TAFA1: variants seen among roughly 807,000 people sequenced by gnomAD.
TAFA1 encodes TAFA chemokine like family member 1.
A neutral mutation model predicts 18.5 loss-of-function variants in TAFA1; 4 were observed. The observed-to-expected ratio is 0.22, with a 90% CI of 0.11 to 0.49. TAFA1 has a LOEUF of 0.49. Among genes scored for constraint, TAFA1 ranks in the 20% least tolerant of loss-of-function variants. The pLI, the probability that TAFA1 is intolerant of heterozygous loss-of-function variation, is 0.98. For synonymous variants in TAFA1, 56 were observed against 55.2 expected (o/e 1.01, Z -0.06); for missense variants, 147 against 169.0 (o/e 0.87, Z 0.72).
At position 68,246,522 on chromosome 3, in the gene TAFA1, G is replaced by C. The variant is rs1017964921; in HGVS notation, c.119-170758G>C. Among the ~76,000 whole-genome samples the C allele has an allele frequency of 2.8e-5, 4 of 143,964 alleles. No individual in the cohort carries two copies. The East Asian group carries it at 6.3e-4, about 23-fold the overall frequency. The allele number at this position is 143,964 out of a possible 152,430, so 94.4% of individuals were successfully genotyped here. A position where few individuals can be genotyped will look rare whatever the true frequency, so the allele number is the denominator to read the frequency against. ...GGAGAATGGCGTGAACCCGGGAGGC[G>C]GAGCTTGCAGTGAGCCGAGATGGTG... On this transcript the variant is annotated intron_variant, in intron 2 of 4. Transcript: ENST00000478136.
intron 2 of TAFA1, among the ~76,000 whole-genome samples, chr3:68,090,361 T>C (rs1276705765): frequency 6.6e-6 from 1 of 152,210 alleles, no homozygotes; most frequent in Non-Finnish European, 1.5e-5. Flanking sequence ...AAAATTGTAG[T>C]ATAATATCAT....
At chr3:68,013,564 G>A (rs1360578677) in intron 2 of TAFA1, among the ~76,000 whole-genome samples, 1 of 152,070 alleles carries the variant, frequency 6.6e-6, no homozygotes, top group Non-Finnish European at 1.5e-5. Context: ...GGCTTCACTT[G>A]GCAAATAGGG....
At chr3:68,383,561 T>C (rs2070027364) in intron 2 of TAFA1, among the ~76,000 whole-genome samples, 1 of 152,144 alleles carries the variant, frequency 6.6e-6, no homozygotes, top group African/African-American at 2.4e-5. Context: ...GCTCTTACGA[T>C]GTGCTGCTGG....
intron 2 of TAFA1, among the ~76,000 whole-genome samples, chr3:68,257,011 A>G (rs926979454): frequency 2.6e-5 from 4 of 152,118 alleles, no homozygotes; most frequent in Admixed American, 2.6e-4. Context: ...AACAGAAAGC[A>G]TCAAGCTCTT....
chr3:68,194,936 T>C (rs2066393302), intron 2 of TAFA1, among the ~76,000 whole-genome samples: 1 of 151,704 alleles, frequency 6.6e-6, no homozygotes, highest in East Asian at 2.0e-4. Flanking sequence ...GTAATAGTTG[T>C]CTTCTCCCAC....
intron 2 of TAFA1, among the ~76,000 whole-genome samples, chr3:68,139,501 C>T (rs1352550242): frequency 6.6e-6 from 1 of 152,092 alleles, no homozygotes; most frequent in Non-Finnish European, 1.5e-5. Context: ...ATAATAAAGA[C>T]AGAGTCTGTG....
At chr3:68,151,013 C>T (rs1214050707) in intron 2 of TAFA1, among the ~76,000 whole-genome samples, 1 of 151,872 alleles carries the variant, frequency 6.6e-6, no homozygotes, top group Non-Finnish European at 1.5e-5. Flanking sequence ...AACTAAGTGA[C>T]TTGCTGACAT....
chr3:68,518,736 C>T (rs1049106832), intron 3 of TAFA1, among the ~76,000 whole-genome samples: 4 of 152,120 alleles, frequency 2.6e-5, no homozygotes, highest in Non-Finnish European at 5.9e-5. Flanking sequence ...GGGGTTAAGA[C>T]AAGGTCCCAT....
chr3:68,091,943 T>C (rs2065034323), intron 2 of TAFA1, among the ~76,000 whole-genome samples: 1 of 152,170 alleles, frequency 6.6e-6, no homozygotes, highest in East Asian at 1.9e-4. Flanking sequence ...CCTTGTCCTG[T>C]GTTTTCATCT....
intron 3 of TAFA1, among the ~76,000 whole-genome samples, chr3:68,502,276 A>G (rs1357566786): frequency 1.3e-5 from 2 of 152,138 alleles, no homozygotes; most frequent in African/African-American, 2.4e-5. Flanking sequence ...TTTTACAGAT[A>G]AGGTTTATAA....
At chr3:68,429,232 G>A (rs1256080769) in intron 3 of TAFA1, among the ~76,000 whole-genome samples, 1 of 151,872 alleles carries the variant, frequency 6.6e-6, no homozygotes, top group African/African-American at 2.4e-5. Context: ...CAACTAAATG[G>A]AACACTACTT....
intron 2 of TAFA1, among the ~76,000 whole-genome samples, chr3:68,039,811 C>T (rs1354626741): frequency 6.6e-6 from 1 of 152,142 alleles, no homozygotes; most frequent in Non-Finnish European, 1.5e-5. Flanking sequence ...AACTGAGACT[C>T]AGTTTTGCTG....
At chr3:68,222,003 T>A (rs979028614) in intron 2 of TAFA1, among the ~76,000 whole-genome samples, 1 of 152,212 alleles carries the variant, frequency 6.6e-6, no homozygotes, top group Admixed American at 6.5e-5. Context: ...TCCCTCAAGA[T>A]GAATAACTGT....
intron 2 of TAFA1, among the ~76,000 whole-genome samples, chr3:68,333,050 G>A (rs1410107260): frequency 2.0e-5 from 3 of 152,122 alleles, no homozygotes; most frequent in Non-Finnish European, 4.4e-5. Context: ...ATACACTGCT[G>A]GTAGAAATAT....
chr3:68,326,122 C>A (rs751484573), intron 2 of TAFA1, among the ~76,000 whole-genome samples: 13 of 152,170 alleles, frequency 8.5e-5, no homozygotes, highest in Non-Finnish European at 1.3e-4. Context: ...CACTGTGCTC[C>A]TAAGTCCCAA....
At chr3:68,272,380 A>G (rs927407139) in intron 2 of TAFA1, among the ~76,000 whole-genome samples, 11 of 152,186 alleles carry the variant, frequency 7.2e-5, no homozygotes, top group Non-Finnish European at 1.5e-4. Context: ...AAGATTTGAC[A>G]AATTTACCTA....
At chr3:68,461,360 C>CATAT (rs5849840) in intron 3 of TAFA1, among the ~76,000 whole-genome samples, 18,725 of 106,346 alleles carry the variant, frequency 0.18, 2,049 homozygotes, top group Non-Finnish European at 0.2. Flanking sequence ...AATGAAAGTG[C>CATAT]ATATATATAT....
chr3:68,128,943 G>A (rs1030401719), intron 2 of TAFA1, among the ~76,000 whole-genome samples: 1 of 152,132 alleles, frequency 6.6e-6, no homozygotes, highest in Non-Finnish European at 1.5e-5. Context: ...TGGACTAGAC[G>A]TAAAATTACC....
At chr3:68,118,142 A>G (rs1477429502) in intron 2 of TAFA1, among the ~76,000 whole-genome samples, 1 of 152,162 alleles carries the variant, frequency 6.6e-6, no homozygotes, top group East Asian at 1.9e-4. Context: ...ATAATTATAC[A>G]ACTCACCATA....
Sources: gnomAD v4.1 joint callset for allele counts (sites outside exome capture counted in the v4.1 genomes callset) on GRCh38, gnomAD v4.1.1 for gene constraint, MANE v1.5 for transcripts, NCBI Gene and HGNC (gene_info 2026-07-23, HGNC 2026-07-21) for gene names.